The following RAPGEF6 variants were observed in gnomAD, a reference collection of about 807,000 sequenced individuals.
The protein encoded by RAPGEF6 is Rap guanine nucleotide exchange factor 6, also known as PDZ domain containing guanine nucleotide exchange factor (GEF) 2.
Under a neutral mutation model 171.4 loss-of-function variants are expected in RAPGEF6, and 56 were observed. The observed-to-expected ratio is 0.33, with a 90% CI of 0.26 to 0.41. The LOEUF (loss-of-function observed/expected upper bound fraction) is 0.41, where lower values mean the gene tolerates loss of function less well. RAPGEF6 is among the 10% of genes least tolerant of loss of function. RAPGEF6 has a pLI of 1.00. For synonymous variants in RAPGEF6, 692 were observed against 650.1 expected (o/e 1.06, Z -0.98); for missense variants, 1,674 against 1,921.4 (o/e 0.87, Z 2.41).
At chr5:131,468,294 T>C (rs916592151) in intron 17 of RAPGEF6, among the ~76,000 whole-genome samples, 14 of 135,904 alleles carry the variant, frequency 1.0e-4, no homozygotes, top group African/African-American at 4.0e-4. Flanking sequence ...ATCGCGCCAC[T>C]GCACTCCAGC....
chr5:131,625,243 CAA>C (rs971387637), intron 1 of RAPGEF6, among the ~76,000 whole-genome samples: 2 of 151,978 alleles, frequency 1.3e-5, no homozygotes, highest in Admixed American at 6.6e-5. Flanking sequence ...GCCTGGGAGA[CAA>C]GAGAGAAACT....
chr5:131,481,985 C>T (rs1755518849), intron 15 of RAPGEF6, among the ~76,000 whole-genome samples: 1 of 152,034 alleles, frequency 6.6e-6, no homozygotes, highest in Non-Finnish European at 1.5e-5. Flanking sequence ...CCCACAAAAT[C>T]AAAGAACTTA....
intron 15 of RAPGEF6, among the ~76,000 whole-genome samples, chr5:131,481,818 G>A (rs981187751): frequency 1.3e-5 from 2 of 152,168 alleles, no homozygotes; most frequent in Non-Finnish European, 2.9e-5. Context: ...ATGAGCTGTG[G>A]AAGCAAACAC....
chr5:131,490,443 A>G (rs1346639667), intron 14 of RAPGEF6, among the ~76,000 whole-genome samples: 1 of 152,180 alleles, frequency 6.6e-6, no homozygotes, highest in Non-Finnish European at 1.5e-5. Context: ...TGTCTCATCT[A>G]GTACCATGCA....
At chr5:131,578,987 C>T (rs1762766551) in intron 4 of RAPGEF6, among the ~76,000 whole-genome samples, 3 of 152,120 alleles carry the variant, frequency 2.0e-5, no homozygotes, top group South Asian at 4.1e-4. Context: ...CGCGGACCCT[C>T]GTAGTGAGTG....
intron 6 of RAPGEF6, among the ~76,000 whole-genome samples, chr5:131,528,334 TATATACAC>T (rs1305858068): frequency 1.6e-4 from 6 of 37,988 alleles, no homozygotes; most frequent in African/African-American, 3.5e-4. Flanking sequence ...TATATATATA[TATATACAC>T]ACACACACAC....
In RAPGEF6 at chr5:131,462,062, G is replaced by T; in HGVS notation, c.2507C>A (p.Thr836Lys). The T allele has an allele frequency of 5.1e-6, 8 of 1,555,764 alleles. No individual in the cohort carries two copies. The highest frequency in any genetic ancestry group is 6.9e-6 in the Non-Finnish European group (8 of 1,151,840). Residue 836 changes from threonine (T) to lysine (K), a missense_variant, in exon 19 of 28, where the codon ACA (threonine) becomes AAA (lysine). Physicochemically the swap from Thr to Lys is moderately conservative, Grantham distance 78 (BLOSUM62 -1). Around this residue, in one of 3 missense-constraint regions of RAPGEF6, gnomAD observed 1,116 missense variants for 1,321.5 expected, o/e 0.84. Coordinates refer to ENST00000509018, the MANE Select transcript of RAPGEF6 (RefSeq NM_016340.6). ...ATCTTCATCTGAACATAAGGTTTCT[G>T]TTTCCATGTTATTTTTTAAGTAATA... is the stretch of plus-strand genomic sequence containing the variant. ...GRYYLKNNME[T>K]ETLCSDEDAQ... is the part of the protein sequence containing the mutation.
At chr5:131,601,750 T>C (rs780536948) in intron 3 of RAPGEF6, among the ~76,000 whole-genome samples, 27 of 151,992 alleles carry the variant, frequency 1.8e-4, no homozygotes, top group African/African-American at 3.6e-4. Flanking sequence ...ATTGGCACAA[T>C]TGGCCGGGCG....
In RAPGEF6 at chr5:131,469,618, C is replaced by CAT. The variant is rs1211427113; in HGVS notation, c.2239+2967_2239+2968dup. On this transcript the variant is annotated intron_variant, in intron 17 of 27. Transcript: ENST00000509018. The stretch of plus-strand genomic sequence containing the variant: ...TACTGATTCCATCCAAACTTAAAAA[C>CAT]ATATATATATTCAAAAAAATGACTA... Among the ~76,000 whole-genome samples, 3 of 151,962 alleles carry CAT rather than the reference C, an allele frequency of 2.0e-5. No individual in the cohort carries two copies. The South Asian group carries it at 6.2e-4, about 32-fold the overall frequency.
chr5:131,535,912 A>G (rs1346950742), intron 6 of RAPGEF6, among the ~76,000 whole-genome samples: 1 of 152,146 alleles, frequency 6.6e-6, no homozygotes, highest in Non-Finnish European at 1.5e-5. Context: ...AAGCCATAAG[A>G]GGATAAACAT....
intron 4 of RAPGEF6, among the ~76,000 whole-genome samples, chr5:131,591,815 T>C (rs1763607561): frequency 6.6e-6 from 1 of 152,172 alleles, no homozygotes; most frequent in Non-Finnish European, 1.5e-5. Flanking sequence ...CAGCAATGAA[T>C]CAAAAACCAA....
At chr5:131,565,190 GAAT>G (rs1419367748) in intron 4 of RAPGEF6, among the ~76,000 whole-genome samples, 1 of 151,932 alleles carries the variant, frequency 6.6e-6, no homozygotes, top group South Asian at 2.1e-4. Flanking sequence ...TAGCAAGATT[GAAT>G]AATAAAAGCG....
At chr5:131,488,635 G>A (rs1362866943) in intron 15 of RAPGEF6, among the ~76,000 whole-genome samples, 1 of 151,972 alleles carries the variant, frequency 6.6e-6, no homozygotes, top group African/African-American at 2.4e-5. Context: ...CTCAAAAAGA[G>A]GAAAAACCCC....
At chr5:131,483,378 C>T (rs757250841) in intron 15 of RAPGEF6, among the ~76,000 whole-genome samples, 10 of 150,720 alleles carry the variant, frequency 6.6e-5, no homozygotes, top group Non-Finnish European at 1.3e-4. Context: ...TTAAATTTCT[C>T]CACTGGACAT....
At chr5:131,480,258 G>A (rs1755382505) in intron 15 of RAPGEF6, among the ~76,000 whole-genome samples, 1 of 152,094 alleles carries the variant, frequency 6.6e-6, no homozygotes, top group African/African-American at 2.4e-5. Context: ...CCTGCGTATG[G>A]CTCTGAAGAA....
intron 17 of RAPGEF6, among the ~76,000 whole-genome samples, chr5:131,469,108 GAAC>G (rs1754574499): frequency 1.3e-5 from 2 of 152,302 alleles, no homozygotes; most frequent in African/African-American, 4.8e-5. Context: ...ATTTGTGGTA[GAAC>G]AACACACCTT....
intron 3 of RAPGEF6, among the ~76,000 whole-genome samples, chr5:131,601,190 C>T (rs1764229422): frequency 6.6e-6 from 1 of 151,644 alleles, no homozygotes. Context: ...TCAAGACCAG[C>T]CTGACCAACA....
chr5:131,455,341 C>T (rs1029488687), intron 20 of RAPGEF6, among the ~76,000 whole-genome samples: 6 of 152,216 alleles, frequency 3.9e-5, no homozygotes, highest in South Asian at 2.1e-4. Flanking sequence ...TCACTGTAAG[C>T]TCCGCCTCCC....
intron 7 of RAPGEF6, among the ~76,000 whole-genome samples, chr5:131,515,819 G>A (rs917577471): frequency 6.6e-6 from 1 of 152,154 alleles, no homozygotes; most frequent in Non-Finnish European, 1.5e-5. Context: ...TGATGGGGCA[G>A]AATCTAGAAT....
Sources: allele counts gnomAD v4.1 joint callset (sites outside exome capture counted in the v4.1 genomes callset), GRCh38; gene constraint gnomAD v4.1.1; regional missense constraint gnomAD v4.1.1; transcripts MANE v1.5; gene names NCBI Gene and HGNC (gene_info 2026-07-23, HGNC 2026-07-21).